The following SPSB4 variants were observed in gnomAD, a reference collection of about 807,000 sequenced individuals.
SPSB4 encodes splA/ryanodine receptor domain and SOCS box containing 4, also known as SPRY domain-containing SOCS box protein 4.
In SPSB4, 21 loss-of-function variants were observed where a neutral mutation model predicts 20.9. The ratio of observed to expected loss-of-function variants is 1.01; its 90% confidence interval spans 0.71 to 1.45. The LOEUF (loss-of-function observed/expected upper bound fraction) is 1.45, where lower values mean the gene tolerates loss of function less well. Ranked by LOEUF, SPSB4 falls within the 40% of genes most tolerant of loss-of-function variation. SPSB4 has a pLI of 0.00. For synonymous variants in SPSB4, 207 were observed against 183.8 expected (o/e 1.13, Z -1.02); for missense variants, 399 against 399.2 (o/e 1.00, Z 0.00).
intron 2 of SPSB4, among the ~76,000 whole-genome samples, chr3:141,098,344 A>T (rs1179380988): frequency 6.6e-6 from 1 of 152,200 alleles, no homozygotes; most frequent in African/African-American, 2.4e-5. Flanking sequence ...GATTGAGATT[A>T]TATGGCATTT....
intron 2 of SPSB4, among the ~76,000 whole-genome samples, chr3:141,141,731 C>G (rs369419249): frequency 1.3e-5 from 2 of 152,054 alleles, no homozygotes; most frequent in Non-Finnish European, 2.9e-5. Context: ...CTATTTGTTA[C>G]TGGTCTGTTC....
chr3:141,143,032 G>A (rs529982315), intron 2 of SPSB4, among the ~76,000 whole-genome samples: 83 of 151,812 alleles, frequency 5.5e-4, no homozygotes, highest in South Asian at 1.9e-3. Flanking sequence ...TAGCCAGGAT[G>A]GTCTCCATCT....
intron 1 of SPSB4, among the ~76,000 whole-genome samples, chr3:141,064,039 G>C (rs1937816828): frequency 6.6e-6 from 1 of 152,216 alleles, no homozygotes; most frequent in South Asian, 2.1e-4. Context: ...CTTCCCCCAG[G>C]GTGTAGGAGG....
At chr3:141,076,673 C>G (rs544249160) in intron 2 of SPSB4, among the ~76,000 whole-genome samples, 20 of 152,130 alleles carry the variant, frequency 1.3e-4, no homozygotes, top group Admixed American at 1.2e-3. Flanking sequence ...GTGTCTGTCC[C>G]GAACTTGAGT....
intron 2 of SPSB4, among the ~76,000 whole-genome samples, chr3:141,132,774 T>C (rs1939158069): frequency 6.6e-6 from 1 of 152,200 alleles, no homozygotes; most frequent in Admixed American, 6.5e-5. Context: ...TGTGCAACTG[T>C]CTTGTTCATA....
chr3:141,080,814 A>G (rs1010133623), intron 2 of SPSB4, among the ~76,000 whole-genome samples: 2 of 152,246 alleles, frequency 1.3e-5, no homozygotes, highest in African/African-American at 4.8e-5. Flanking sequence ...GATATGTGAA[A>G]GTTAAAAAAG....
chr3:141,058,229 A>G (rs1937694562), intron 1 of SPSB4, among the ~76,000 whole-genome samples: 1 of 152,010 alleles, frequency 6.6e-6, no homozygotes, highest in South Asian at 2.1e-4. Context: ...TATTTTTCAA[A>G]CTAATGAGGT....
At chr3:141,070,106 T>C (rs895117291) in intron 2 of SPSB4, among the ~76,000 whole-genome samples, 1 of 152,112 alleles carries the variant, frequency 6.6e-6, no homozygotes, top group Non-Finnish European at 1.5e-5. Context: ...TACAAAGAGC[T>C]GCAGGACGCA....
intron 2 of SPSB4, among the ~76,000 whole-genome samples, chr3:141,069,300 C>T (rs1028482547): frequency 8.5e-5 from 13 of 152,080 alleles, no homozygotes; most frequent in Admixed American, 5.9e-4. Context: ...AGTGGAGTCT[C>T]GCAGGGATAG....
intron 1 of SPSB4, among the ~76,000 whole-genome samples, chr3:141,064,910 G>A (rs1937835065): frequency 6.6e-6 from 1 of 152,212 alleles, no homozygotes; most frequent in Admixed American, 6.5e-5. Flanking sequence ...TCTGGGGTCA[G>A]TGCTGTTAAT....
chr3:141,137,905 A>C (rs1939255166), intron 2 of SPSB4, among the ~76,000 whole-genome samples: 1 of 152,128 alleles, frequency 6.6e-6, no homozygotes, highest in Non-Finnish European at 1.5e-5. Flanking sequence ...TTTCAGAAGG[A>C]ATGGTACCAG....
intron 1 of SPSB4, among the ~76,000 whole-genome samples, chr3:141,052,201 G>A (rs1936105979): frequency 6.6e-6 from 1 of 152,198 alleles, no homozygotes; most frequent in South Asian, 2.1e-4. Context: ...TGGTATCATG[G>A]GTTCTAAGCC....
intron 2 of SPSB4, among the ~76,000 whole-genome samples, chr3:141,109,661 C>T (rs1438904286): frequency 2.0e-5 from 3 of 152,120 alleles, no homozygotes; most frequent in Non-Finnish European, 4.4e-5. Context: ...CCCTTTCTCT[C>T]CCCTCTTCCT....
chr3:141,102,531 G>A (rs1938627954), intron 2 of SPSB4, among the ~76,000 whole-genome samples: 1 of 151,984 alleles, frequency 6.6e-6, no homozygotes, highest in Admixed American at 6.6e-5. Flanking sequence ...TGGGGGTGAG[G>A]GATGAAGAAA....
intron 2 of SPSB4, among the ~76,000 whole-genome samples, chr3:141,073,784 C>G (rs1397863510): frequency 1.3e-5 from 2 of 152,178 alleles, no homozygotes; most frequent in African/African-American, 2.4e-5. Flanking sequence ...TGAGCTGCCC[C>G]TGAGTGACCC....
chr3:141,134,483 G>A (rs1300089918), intron 2 of SPSB4, among the ~76,000 whole-genome samples: 1 of 152,124 alleles, frequency 6.6e-6, no homozygotes, highest in East Asian at 1.9e-4. Flanking sequence ...ATTACCTTAA[G>A]ATATGTCCCT....
chr3:141,081,623 G>A (rs2107786950), intron 2 of SPSB4, among the ~76,000 whole-genome samples: 1 of 152,146 alleles, frequency 6.6e-6, no homozygotes, highest in South Asian at 2.1e-4. Flanking sequence ...AGGGCCTGGG[G>A]GACAGCAGGG....
At chr3:141,104,262 A>T (rs1276956056) in intron 2 of SPSB4, among the ~76,000 whole-genome samples, 1 of 151,948 alleles carries the variant, frequency 6.6e-6, no homozygotes, top group Non-Finnish European at 1.5e-5. Context: ...GGGGAAAAGC[A>T]CTCCAGGCAG....
intron 2 of SPSB4, among the ~76,000 whole-genome samples, chr3:141,104,485 C>T (rs1454761661): frequency 6.6e-6 from 1 of 152,204 alleles, no homozygotes; most frequent in African/African-American, 2.4e-5. Context: ...GCCTCCCAGA[C>T]ACACCCCCAA....
Sources: gnomAD v4.1 joint callset for allele counts (sites outside exome capture counted in the v4.1 genomes callset) on GRCh38, gnomAD v4.1.1 for gene constraint, MANE v1.5 for transcripts, NCBI Gene and HGNC (gene_info 2026-07-23, HGNC 2026-07-21) for gene names.